The following KLC3 variants were observed in gnomAD, a reference collection of about 807,000 sequenced individuals.
KLC3 encodes kinesin light chain 3, also known as kinesin light chain 2.
A neutral mutation model predicts 62.9 loss-of-function variants in KLC3; 72 were observed. The observed-to-expected ratio is 1.15, with a 90% confidence interval of 0.95 to 1.39. KLC3 has a LOEUF of 1.39. Ranked by LOEUF, KLC3 falls within the 40% of genes most tolerant of loss-of-function variation. The pLI, the probability that KLC3 is intolerant of heterozygous loss-of-function variation, is 0.00. For missense variants in KLC3, 848 were observed against 691.6 expected, an observed-to-expected ratio of 1.23 and a Z score of -2.54; for synonymous variants, 377 against 300.5, an observed-to-expected ratio of 1.25 and a Z score of -2.63.
Position 45,350,946 on chromosome 19 carries a change from C to CTTTGCAGAATG in KLC3, c.1380-7_1383dup. ...TCACTCATTTCCTCCCTGCTGCCCT[C>CTTTGCAGAATG]TTTGCAGAATGAAGAGAGCCATGTC... On this transcript the variant is annotated splice_region_variant and splice_polypyrimidine_tract_variant and intron_variant, in intron 11 of 12. Transcript: ENST00000391946. The CTTTGCAGAATG allele has an allele frequency of 6.2e-7, 1 of 1,614,074 alleles. No homozygotes were observed.
chr19:45,343,257 C>CTGAA (rs1330647939), intron 1 of KLC3, among the ~76,000 whole-genome samples: 2 of 152,054 alleles, frequency 1.3e-5, no homozygotes, highest in Admixed American at 1.3e-4. Flanking sequence ...AGGAGATGGT[C>CTGAA]TGAATGTGAG....
chr19:45,348,072 C>T lies in KLC3; in HGVS notation c.691C>T (p.Arg231Cys), dbSNP rs375917528. The change falls in exon 5 of 13, where the codon CGC becomes TGC. Residue 231 changes from arginine (R) to cysteine (C), a missense_variant. Transcript: ENST00000391946. ...GRYEVAVPLC[R>C]QALEDLERSS... ...CTATGAGGTGGCGGTGCCTCTGTGC[C>T]GCCAGGCCTTGGAGGACCTGGAGCG... The T allele has an allele frequency of 9.0e-5, 144 of 1,602,338 alleles. 1 individual carries two copies. Among genetic ancestry groups the T allele is most frequent in the South Asian group, 5.8e-4 (52 of 89,284 alleles).
chr19:45,348,946 G>T (rs144011257), intron 7 of KLC3, 25 bp downstream of exon 7: 2 of 1,542,434 alleles, frequency 1.3e-6, no homozygotes, highest in East Asian at 2.4e-5. Flanking sequence ...ACCCCACCCC[G>T]AGGAACCCCT....
chr19:45,341,914 T>C (rs1223233141), intron 1 of KLC3, among the ~76,000 whole-genome samples: 1 of 151,754 alleles, frequency 6.6e-6, no homozygotes, highest in African/African-American at 2.4e-5. Context: ...AGTGGGATGC[T>C]CCTCCAAGCG....
rs1423646635 is a variant in KLC3 at position 45,351,214 on chromosome 19, CCTGGAGCTGGAG to C, written c.1444-71_1444-60del. 3 of 1,589,680 alleles carry C rather than the reference CCTGGAGCTGGAG, an allele frequency of 1.9e-6. No individual in the cohort carries two copies. In the Admixed American group the frequency reaches 5.1e-5, roughly 27 times the overall value. On this transcript the variant is annotated intron_variant, in intron 12 of 12. Transcript: ENST00000391946. ...TTGGATAGTTGGCTGCCAGGCTGGACCTGGAGCTGGAGGGTGGATGTAACACTTGCCCCTCAC... is the reference window on the plus strand; with the variant it reads ...TTGGATAGTTGGCTGCCAGGCTGGACGGTGGATGTAACACTTGCCCCTCAC...
In KLC3 at chr19:45,346,588, G is replaced by A. The variant is rs1971496512; in HGVS notation, c.303G>A (p.Glu101=). 1 of 1,548,776 alleles carries A rather than the reference G, an allele frequency of 6.5e-7. No homozygotes were observed. Among genetic ancestry groups the A allele is most frequent in the Non-Finnish European group, 8.7e-7 (1 of 1,146,022 alleles). ...CACATGTGGGTGCACTGGAGGCAGA[G>A]AAGCAGCGGCTGCGCTCGCAGGCCC... The part of the protein sequence containing the change: ...LSAHVGALEA[E]KQRLRSQARR... Residue 101 remains glutamate (E), a synonymous_variant, in exon 3 of 13, where the codon GAG becomes GAA. Transcript: ENST00000391946.
intron 3 of KLC3, chr19:45,347,006 A>G (rs1971515400): frequency 2.0e-6 from 1 of 490,966 alleles, no homozygotes; most frequent in East Asian, 3.4e-5. Context: ...GCCTCGCCAG[A>G]CCCCCAGGGG....
chr19:45,344,235 A>G (rs563922724), intron 1 of KLC3, among the ~76,000 whole-genome samples: 18 of 141,538 alleles, frequency 1.3e-4, no homozygotes, highest in African/African-American at 4.6e-4. Flanking sequence ...TTTTTTTTAA[A>G]TGAAGTCTCA....
intron 4 of KLC3, 22 bp downstream of exon 4, chr19:45,347,538 C>T (rs1713590367): frequency 6.3e-7 from 1 of 1,594,556 alleles, no homozygotes; most frequent in Non-Finnish European, 8.6e-7. Flanking sequence ...GAGTACATGC[C>T]ACAGAGGATG....
At chr19:45,349,955 TG>T (rs1211155599) in intron 8 of KLC3, 2 of 411,978 alleles carry the variant, frequency 4.9e-6, no homozygotes, top group African/African-American at 2.0e-5. Context: ...ACTTTGCGTG[TG>T]GGAAGACTGA....
intron 1 of KLC3, 148 bp from the exon 2 acceptor site, chr19:45,345,386 G>C: frequency 1.0e-6 from 1 of 986,498 alleles, no homozygotes; most frequent in Non-Finnish European, 1.5e-6. Context: ...GGGTGTGGAG[G>C]CAGAGGGCTG....
At chr19:45,345,294 T>TG (rs1222662277) in intron 1 of KLC3, 22 of 611,928 alleles carry the variant, frequency 3.6e-5, no homozygotes, top group Non-Finnish European at 6.4e-5. Flanking sequence ...GGCAGAACCC[T>TG]GGGTTGGGAG....
Position 45,346,751 on chromosome 19 carries a change from T to G in KLC3, c.466T>G (p.Tyr156Asp). 6.3e-7 allele frequency: 1 copy of G among 1,585,912 alleles called. No individual in the cohort carries two copies. The highest frequency in any genetic ancestry group is 8.6e-7 in the Non-Finnish European group (1 of 1,167,012). The change falls in exon 3 of 13, where the codon TAC (tyrosine) becomes GAC (aspartate). Residue 156 changes from tyrosine to aspartate, a missense_variant. Physicochemically the swap from Tyr to Asp is radical, Grantham distance 160 (BLOSUM62 -3). Coordinates refer to ENST00000391946, the MANE Select transcript of KLC3 (RefSeq NM_177417.3). Reference protein sequence around the residue: ...HLEFLGQLRQYDPPAESQQSE... With the variant: ...HLEFLGQLRQDDPPAESQQSE... ...GGAGTTCCTGGGGCAGCTGCGACAG[T>G]ACGACCCACCGGCGGAGAGCCAGGT...
chr19:45,346,582 G>A lies in KLC3; in HGVS notation c.297G>A (p.Glu99=), dbSNP rs368201163. 1.7e-5 allele frequency: 26 copies of A among 1,548,262 alleles called. No individual in the cohort carries two copies. In the African/African-American group the frequency reaches 2.9e-4, roughly 17 times the overall value. The change falls in exon 3 of 13, where the codon GAG becomes GAA. Residue 99 remains glutamate (E), a synonymous_variant. Coordinates refer to ENST00000391946, the MANE Select transcript of KLC3 (RefSeq NM_177417.3). The stretch of plus-strand genomic sequence containing the variant: ...TGTCGGCACATGTGGGTGCACTGGA[G>A]GCAGAGAAGCAGCGGCTGCGCTCGC... The part of the protein sequence containing the change: ...LALSAHVGAL[E]AEKQRLRSQA...
chr19:45,341,180 CTGTGTTTGTGTGTGTGTGTG>C lies in KLC3; in HGVS notation c.-9+340_-9+359del, dbSNP rs1319276358. Among the ~76,000 whole-genome samples the C allele has an allele frequency of 1.0e-4, 9 of 87,876 alleles. 1 individual carries two copies. Among genetic ancestry groups the C allele is most frequent in the African/African-American group, 6.3e-4 (9 of 14,224 alleles). The allele number at this position is 87,876 out of a possible 152,430, so 57.7% of individuals were successfully genotyped here. A position where few individuals can be genotyped will look rare whatever the true frequency, so the allele number is the denominator to read the frequency against. On this transcript the variant is annotated intron_variant, in intron 1 of 12. Transcript: ENST00000391946. ...GCCACGATGGGAGTCTCCTGCCTGCCTGTGTTTGTGTGTGTGTGTGTGTGTGTGTGTGTGGCTTTGCGTGT... is the reference window on the plus strand; with the variant it reads ...GCCACGATGGGAGTCTCCTGCCTGCCTGTGTGTGTGTGTGGCTTTGCGTGT...
At position 45,350,502 on chromosome 19, in the gene KLC3, CT is replaced by C. The variant is rs751006317; in HGVS notation, c.1235-9del. The C allele has an allele frequency of 5.0e-6, 8 of 1,613,794 alleles. No individual in the cohort carries two copies. The African/African-American group carries it at 9.4e-5, about 19-fold the overall frequency. On this transcript the variant is annotated splice_polypyrimidine_tract_variant and intron_variant, in intron 9 of 12. Coordinates refer to ENST00000391946, the MANE Select transcript of KLC3 (RefSeq NM_177417.3). ...ATGTCCCCATCTCAGTGTCCCCCAT[CT>C]TTCCCCCTAGGTGCCCCCAACACAG...
chr19:45,347,357 CAAAAA>C (rs943153460), intron 3 of KLC3, 85 bp from the exon 4 acceptor site: 9 of 734,540 alleles, frequency 1.2e-5, no homozygotes, highest in Admixed American at 3.0e-5. Context: ...AAAAAAAAAA[CAAAAA>C]AACAAAAACC....
chr19:45,348,355 G>C (rs906088469), intron 5 of KLC3, among the ~76,000 whole-genome samples, 195 bp downstream of exon 5: 24 of 151,406 alleles, frequency 1.6e-4, no homozygotes, highest in African/African-American at 4.8e-4. Context: ...GGGATCTGGG[G>C]GGGCCACTGA....
At chr19:45,346,208 G>A (rs1165263213) in intron 2 of KLC3, among the ~76,000 whole-genome samples, 1 of 152,030 alleles carries the variant, frequency 6.6e-6, no homozygotes, top group Admixed American at 6.5e-5. Context: ...CGGGGCAGGG[G>A]GAGGCCTAGG....
Sources: gnomAD v4.1 joint callset for allele counts (sites outside exome capture counted in the v4.1 genomes callset) on GRCh38, gnomAD v4.1.1 for gene constraint, MANE v1.5 for transcripts, NCBI Gene and HGNC (gene_info 2026-07-23, HGNC 2026-07-21) for gene names.